HSD17B12: variants seen among roughly 807,000 people sequenced by gnomAD.
HSD17B12 encodes very-long-chain 3-oxoacyl-CoA reductase.
Under a neutral mutation model 39.3 loss-of-function variants are expected in HSD17B12, and 32 were observed. That is an observed-to-expected ratio of 0.81 (90% CI 0.61 to 1.09). The LOEUF (loss-of-function observed/expected upper bound fraction) is 1.09, where lower values mean the gene tolerates loss of function less well. Ranked by LOEUF, HSD17B12 falls within the 50% of genes least tolerant of loss-of-function variation. HSD17B12 has a pLI of 0.00. For synonymous variants in HSD17B12, 150 were observed against 146.7 expected (o/e 1.02, Z -0.16); for missense variants, 342 against 382.9 (o/e 0.89, Z 0.89).
chr11:43,816,532 T>C, intron 6 of HSD17B12, 141 bp downstream of exon 6: 1 of 555,314 alleles, frequency 1.8e-6, no homozygotes, highest in Non-Finnish European at 2.7e-6. Context: ...TCTATTAACT[T>C]ATTTCTTCAG....
intron 1 of HSD17B12, 132 bp downstream of exon 1, chr11:43,681,119 C>T: frequency 7.0e-7 from 1 of 1,421,980 alleles, no homozygotes; most frequent in Non-Finnish European, 9.2e-7. Flanking sequence ...CTCCTGTGCC[C>T]CGCGGGCCCC....
the HSD17B12 span, among the ~76,000 whole-genome samples, chr11:43,641,251 C>T: frequency 6.7e-6 from 1 of 150,080 alleles, no homozygotes; most frequent in African/African-American, 2.4e-5. Flanking sequence ...AGATAGACCC[C>T]TTTTTTTTTG....
upstream of HSD17B12, chr11:43,680,486 C>T: frequency 8.8e-6 from 3 of 342,328 alleles, no homozygotes; most frequent in South Asian, 2.8e-5. Context: ...CGAGCGCAGT[C>T]TTCCGCAGTC....
intron 1 of HSD17B12, among the ~76,000 whole-genome samples, chr11:43,726,290 G>T (rs1339330875): frequency 2.6e-5 from 4 of 152,120 alleles, no homozygotes; most frequent in African/African-American, 7.2e-5. Flanking sequence ...GATAAGAAAA[G>T]AGATAACTGG....
the HSD17B12 span, among the ~76,000 whole-genome samples, chr11:43,630,906 G>A: frequency 4.0e-5 from 6 of 151,122 alleles, no homozygotes; most frequent in African/African-American, 1.5e-4. Flanking sequence ...CCAGGTTCAA[G>A]CAATTCTCCT....
intron 6 of HSD17B12, among the ~76,000 whole-genome samples, chr11:43,826,081 C>CTTTTTTTTTTT (rs71481435): frequency 1.1e-4 from 8 of 75,286 alleles, no homozygotes; most frequent in South Asian, 4.5e-4. Context: ...CTTTTTTTTT[C>CTTTTTTTTTTT]TTTTTTTTTT....
chr11:43,766,927 A>G (rs1950600765), intron 3 of HSD17B12, among the ~76,000 whole-genome samples: 1 of 152,232 alleles, frequency 6.6e-6, no homozygotes, highest in Non-Finnish European at 1.5e-5. Context: ...CTGATAGAGA[A>G]AAACATCTGT....
At chr11:43,704,349 A>G (rs761760734) in intron 1 of HSD17B12, among the ~76,000 whole-genome samples, 2 of 152,212 alleles carry the variant, frequency 1.3e-5, no homozygotes, top group Non-Finnish European at 2.9e-5. Flanking sequence ...AGGTATTTTC[A>G]GTAAATAAAA....
intron 3 of HSD17B12, among the ~76,000 whole-genome samples, chr11:43,786,167 C>T (rs898300475): frequency 1.3e-5 from 2 of 151,950 alleles, no homozygotes; most frequent in African/African-American, 2.4e-5. Context: ...AAGTGGGTTG[C>T]GTGAAAAAAG....
At chr11:43,846,212 C>T (rs183507614) in intron 9 of HSD17B12, among the ~76,000 whole-genome samples, 2 of 152,330 alleles carry the variant, frequency 1.3e-5, no homozygotes, top group South Asian at 2.1e-4. Flanking sequence ...GAGATAAAAG[C>T]ACTCCAAGCT....
chr11:43,650,371 C>G, the HSD17B12 span, among the ~76,000 whole-genome samples: 1 of 152,096 alleles, frequency 6.6e-6, no homozygotes, highest in Non-Finnish European at 1.5e-5. Context: ...AAAAGGTACG[C>G]TCAAACTCAG....
chr11:43,743,269 C>A (rs1022382828), intron 1 of HSD17B12, among the ~76,000 whole-genome samples: 1 of 152,184 alleles, frequency 6.6e-6, no homozygotes, highest in African/African-American at 2.4e-5. Context: ...TTTGACCTTT[C>A]ATCTCTTGGA....
intron 6 of HSD17B12, among the ~76,000 whole-genome samples, chr11:43,821,523 G>A (rs1724914322): frequency 6.6e-6 from 1 of 152,174 alleles, no homozygotes; most frequent in Non-Finnish European, 1.5e-5. Flanking sequence ...AAACAGTGGA[G>A]TTTAGAGACA....
intron 1 of HSD17B12, among the ~76,000 whole-genome samples, chr11:43,691,806 T>G (rs1239135012): frequency 2.0e-5 from 3 of 152,244 alleles, no homozygotes; most frequent in African/African-American, 7.2e-5. Context: ...GACATGCCTG[T>G]GCTTTCCTGC....
At chr11:43,753,410 A>G (rs2134946822) in intron 2 of HSD17B12, among the ~76,000 whole-genome samples, 2 of 128,050 alleles carry the variant, frequency 1.6e-5, no homozygotes, top group East Asian at 2.2e-4. Flanking sequence ...TTTGAGATGG[A>G]GTCTTGCTCT....
chr11:43,677,727 A>G (rs1356126767), upstream of HSD17B12, among the ~76,000 whole-genome samples: 2 of 152,098 alleles, frequency 1.3e-5, no homozygotes, highest in East Asian at 3.9e-4. Flanking sequence ...TTTGCTGAGA[A>G]TGATGGTTTC....
At chr11:43,686,921 G>A (rs545972537) in intron 1 of HSD17B12, among the ~76,000 whole-genome samples, 1 of 152,290 alleles carries the variant, frequency 6.6e-6, no homozygotes, top group African/African-American at 2.4e-5. Context: ...GATTACCATT[G>A]CTACTTGCAA....
At position 43,772,281 on chromosome 11, in the gene HSD17B12, C is replaced by G. The variant is rs529398856; in HGVS notation, c.283+18160C>G. Among the ~76,000 whole-genome samples the G allele has an allele frequency of 2.0e-5, 3 of 152,312 alleles. No homozygotes were observed. In the South Asian group the frequency reaches 6.2e-4, roughly 32 times the overall value. ...AATAAGCCATCATAAAATCCCCCTA[C>G]TCCTGTTTTCTCTTAAAAGTTCATT... On this transcript the variant is annotated intron_variant, in intron 3 of 10. Transcript: ENST00000278353.
chr11:43,613,342 A>C, the HSD17B12 span, among the ~76,000 whole-genome samples: 1 of 152,094 alleles, frequency 6.6e-6, no homozygotes, highest in East Asian at 1.9e-4. Flanking sequence ...CAGTGAGTCA[A>C]GATCATATCA....
Sources: allele counts gnomAD v4.1 joint callset (sites outside exome capture counted in the v4.1 genomes callset), GRCh38; gene constraint gnomAD v4.1.1; transcripts MANE v1.5; gene names NCBI Gene and HGNC (gene_info 2026-07-23, HGNC 2026-07-21).